The following ERC2 variants were observed in gnomAD, a reference collection of about 807,000 sequenced individuals.
The protein encoded by ERC2 is ERC protein 2.
Under a neutral mutation model 114.8 loss-of-function variants are expected in ERC2, and 42 were observed. The observed-to-expected ratio is 0.37, with a 90% CI of 0.29 to 0.47. The LOEUF (loss-of-function observed/expected upper bound fraction) is 0.47. ERC2 is among the 20% of genes least tolerant of loss of function. The probability of loss-of-function intolerance (pLI) is 0.99; values close to 1 mark genes in which losing one functional copy is unlikely to be tolerated. For synonymous variants in ERC2, 454 were observed against 425.5 expected, an observed-to-expected ratio of 1.07 and a Z score of -0.82; for missense variants, 939 against 1,150.7, an observed-to-expected ratio of 0.82 and a Z score of 2.66.
chr3:55,699,600 G>T (rs1453747681), intron 15 of ERC2, 88 bp from the exon 16 acceptor site: 1 of 1,370,934 alleles, frequency 7.3e-7, no homozygotes, highest in Non-Finnish European at 9.7e-7. Flanking sequence ...TACCTATAGG[G>T]ATCCCTTTGT....
intron 14 of ERC2, among the ~76,000 whole-genome samples, chr3:55,859,653 T>C (rs2061942947): frequency 6.6e-6 from 1 of 152,058 alleles, no homozygotes; most frequent in South Asian, 2.1e-4. Context: ...ACCAAAGGTA[T>C]GTGTGCCTTT....
At chr3:55,958,136 G>A (rs534720971) in intron 12 of ERC2, among the ~76,000 whole-genome samples, 4 of 152,292 alleles carry the variant, frequency 2.6e-5, no homozygotes, top group East Asian at 1.9e-4. Context: ...CAGGAGACCC[G>A]AAATGGGTAG....
chr3:55,672,852 C>T (rs967761397), intron 17 of ERC2, among the ~76,000 whole-genome samples: 5 of 152,080 alleles, frequency 3.3e-5, no homozygotes, highest in Admixed American at 6.5e-5. Context: ...CTGCAGGCTT[C>T]GGGGCGTAGG....
chr3:56,439,159 G>A (rs2062168174), intron 1 of ERC2, among the ~76,000 whole-genome samples: 1 of 152,138 alleles, frequency 6.6e-6, no homozygotes. Context: ...AAACTGAATG[G>A]GCTTGGCAGG....
intron 17 of ERC2, chr3:55,657,224 A>G (rs556806793): frequency 2.6e-5 from 4 of 151,760 alleles, no homozygotes; most frequent in Non-Finnish European, 5.9e-5. Context: ...TTTGCTGTCA[A>G]TACATTCAGG....
chr3:55,625,547 C>G (rs925369961), intron 17 of ERC2, among the ~76,000 whole-genome samples: 3 of 151,812 alleles, frequency 2.0e-5, no homozygotes, highest in East Asian at 3.9e-4. Flanking sequence ...GTCAGGAGAT[C>G]GAGACCTTCT....
intron 17 of ERC2, among the ~76,000 whole-genome samples, chr3:55,569,071 C>G (rs2056548605): frequency 6.6e-6 from 1 of 152,148 alleles, no homozygotes; most frequent in Non-Finnish European, 1.5e-5. Flanking sequence ...TCCCTTGGGC[C>G]TATACAAGGA....
At chr3:55,560,144 T>C (rs1005125593) in intron 17 of ERC2, among the ~76,000 whole-genome samples, 8 of 152,180 alleles carry the variant, frequency 5.3e-5, no homozygotes, top group African/African-American at 1.9e-4. Context: ...TGAGGAACCC[T>C]GCAGACCTTG....
chr3:56,282,678 G>GTGCTGCTGCTGCTGCTGCTGC (rs57092549), intron 3 of ERC2, among the ~76,000 whole-genome samples: 2 of 151,102 alleles, frequency 1.3e-5, no homozygotes, highest in African/African-American at 2.4e-5. Context: ...TCTAACAGTG[G>GTGCTGCTGCTGCTGCTGCTGC]TGCTGCTGCT....
At chr3:55,589,240 A>AGG (rs1403141096) in intron 17 of ERC2, among the ~76,000 whole-genome samples, 3,538 of 143,468 alleles carry the variant, frequency 0.025, 126 homozygotes, top group African/African-American at 0.071. Context: ...AAAAAGAGAG[A>AGG]GAGAGAAGGA....
At chr3:55,928,481 T>C (rs4974151) in intron 13 of ERC2, among the ~76,000 whole-genome samples, 41,027 of 152,044 alleles carry the variant, frequency 0.27, 5,838 homozygotes, top group Admixed American at 0.35. Context: ...TCTTATAGAG[T>C]TGTTAGAGCT....
intron 3 of ERC2, among the ~76,000 whole-genome samples, chr3:56,228,974 C>T (rs1161487926): frequency 6.6e-6 from 1 of 152,076 alleles, no homozygotes; most frequent in East Asian, 1.9e-4. Context: ...GGGTAAGAGT[C>T]CATACCAGTC....
intron 17 of ERC2, among the ~76,000 whole-genome samples, chr3:55,520,980 A>G (rs1220277427): frequency 9.8e-5 from 15 of 152,314 alleles, no homozygotes; most frequent in Admixed American, 6.5e-5. Flanking sequence ...AATTTGAAAC[A>G]TGAAGGAACA....
chr3:55,937,399 T>C (rs868571823), intron 13 of ERC2, among the ~76,000 whole-genome samples: 1 of 152,142 alleles, frequency 6.6e-6, no homozygotes, highest in Non-Finnish European at 1.5e-5. Flanking sequence ...GGTAAAGAGA[T>C]AAAAAACATT....
intron 17 of ERC2, among the ~76,000 whole-genome samples, chr3:55,512,908 A>C (rs912748041): frequency 5.3e-5 from 8 of 152,258 alleles, no homozygotes; most frequent in African/African-American, 1.9e-4. Flanking sequence ...GGAAACCTCA[A>C]GTGACACCGC....
chr3:56,103,068 A>G (rs1225016402), intron 6 of ERC2, among the ~76,000 whole-genome samples: 1 of 152,154 alleles, frequency 6.6e-6, no homozygotes, highest in African/African-American at 2.4e-5. Flanking sequence ...GGAGGGAGAG[A>G]GTCCTAAGGG....
At chr3:56,007,605 A>C (rs1332440193) in intron 9 of ERC2, among the ~76,000 whole-genome samples, 1 of 152,108 alleles carries the variant, frequency 6.6e-6, no homozygotes, top group Non-Finnish European at 1.5e-5. Flanking sequence ...TGTAAGTCCC[A>C]AGGTGGTCTT....
intron 3 of ERC2, among the ~76,000 whole-genome samples, chr3:56,291,428 G>C (rs929846302): frequency 2.0e-5 from 3 of 152,138 alleles, no homozygotes; most frequent in African/African-American, 7.2e-5. Flanking sequence ...CAAAGAAGTG[G>C]TTTCACACTC....
chr3:56,183,744 C>T (rs915230126), intron 3 of ERC2, among the ~76,000 whole-genome samples: 54 of 152,176 alleles, frequency 3.5e-4, no homozygotes, highest in African/African-American at 1.3e-3. Context: ...AGGGTGACGT[C>T]ATGCCTAGAG....
Sources: allele counts gnomAD v4.1 joint callset (sites outside exome capture counted in the v4.1 genomes callset), GRCh38; gene constraint gnomAD v4.1.1; transcripts MANE v1.5; gene names NCBI Gene and HGNC (gene_info 2026-07-23, HGNC 2026-07-21).